The following LY6E variants were observed in gnomAD, a reference collection of about 807,000 sequenced individuals.
LY6E encodes lymphocyte antigen 6 family member E.
Under a neutral mutation model 7.7 loss-of-function variants are expected in LY6E, and 4 were observed. The ratio of observed to expected loss-of-function variants is 0.52; its 90% CI spans 0.25 to 1.18. The LOEUF (loss-of-function observed/expected upper bound fraction) is 1.18. LY6E is among the 50% of genes most tolerant of loss of function. The probability of loss-of-function intolerance (pLI) is 0.14; values close to 1 mark genes in which losing one functional copy is unlikely to be tolerated. For synonymous variants in LY6E, 81 were observed against 80.1 expected (o/e 1.01, Z -0.06); for missense variants, 156 against 168.0 (o/e 0.93, Z 0.40).
In LY6E at chr8:143,021,361, T is replaced by C. The variant is rs1563909776; in HGVS notation, c.100T>C (p.Tyr34His). The change falls in exon 3 of 4, where the codon TAC (tyrosine) becomes CAC (histidine). Residue 34 changes from tyrosine to histidine, a missense_variant. Transcript: ENST00000292494. ...FSCLNQKSNL[Y>H]CLKPTICSDQ... is the part of the protein sequence containing the mutation. The stretch of plus-strand genomic sequence containing the variant: ...CTGCTTGAACCAGAAGAGCAATCTG[T>C]ACTGCCTGAAGCCGACCATCTGCTC... The C allele has an allele frequency of 1.2e-6, 2 of 1,614,050 alleles. No homozygotes were observed. The highest frequency in any genetic ancestry group is 1.6e-4 in the Middle Eastern group (1 of 6,062).
Position 143,021,734 on chromosome 8 carries a change from T to TGGGTGCCGGGCTGCTGCTGAGCC in LY6E, c.342_364dup (p.Leu122ArgfsTer7), listed in dbSNP as rs1252754969. 1 of 1,612,670 alleles carries TGGGTGCCGGGCTGCTGCTGAGCC rather than the reference T, an allele frequency of 6.2e-7. No homozygotes were observed. The highest frequency in any genetic ancestry group is 1.3e-5 in the African/African-American group (1 of 74,940). ...GGGCTGCGGGCAAGCGTCACCCTGCTGGGTGCCGGGCTGCTGCTGAGCCTG... is the reference window on the plus strand; with the variant it reads ...GGGCTGCGGGCAAGCGTCACCCTGCTGGGTGCCGGGCTGCTGCTGAGCCGGGTGCCGGGCTGCTGCTGAGCCTG... On this transcript the variant is annotated frameshift_variant, in exon 4 of 4. Coordinates refer to ENST00000292494, the MANE Select transcript of LY6E (RefSeq NM_002346.3). LOFTEE classifies it high-confidence loss of function.
At chr8:143,020,855 C>CG in intron 1 of LY6E, 28 bp from the exon 2 acceptor site, 1 of 1,329,116 alleles carries the variant, frequency 7.5e-7, no homozygotes, top group Non-Finnish European at 1.1e-6. Flanking sequence ...AGGCACCACC[C>CG]GGCCCCCTAA....
intron 1 of LY6E, chr8:143,020,406 A>AT (rs1416491238): frequency 6.5e-6 from 1 of 154,410 alleles, no homozygotes; most frequent in East Asian, 1.9e-4. Flanking sequence ...TAATTTTTGT[A>AT]TTTTTTGTAG....
At chr8:143,021,131 T>G (rs1466047722) in intron 2 of LY6E, 140 bp downstream of exon 2, 9 of 1,211,408 alleles carry the variant, frequency 7.4e-6, no homozygotes, top group Non-Finnish European at 9.3e-6. Flanking sequence ...CTGGCCACAC[T>G]GTCTCACTGT....
At position 143,021,938 on chromosome 8, in the gene LY6E, GC is replaced by G; in HGVS notation, c.*153del. 1 of 689,560 alleles carries G rather than the reference GC, an allele frequency of 1.5e-6. No homozygotes were observed. The highest frequency in any genetic ancestry group is 2.4e-6 in the Non-Finnish European group (1 of 418,942). The allele number at this position is 689,560 out of a possible 1,614,324, so 42.7% of individuals were successfully genotyped here. On this transcript the variant is annotated 3_prime_UTR_variant, in exon 4 of 4. Coordinates refer to ENST00000292494, the MANE Select transcript of LY6E (RefSeq NM_002346.3). ...AGGCCCACCCCCTGCACCTCCACCT[GC>G]CCCAGCCCCTGCCTCTGCCCCAAGT...
At position 143,021,696 on chromosome 8, in the gene LY6E, T is replaced by C. The variant is rs756946112; in HGVS notation, c.303T>C (p.Ser101=). ...GCCAGAGCTTTCTGTGCAATTTCAG[T>C]GCGGCCGATGGCGGGCTGCGGGCAA... ...SCCQSFLCNF[S]AADGGLRASV... The change falls in exon 4 of 4, where the codon AGT becomes AGC. Residue 101 remains serine (S), a synonymous_variant. Coordinates refer to ENST00000292494, the MANE Select transcript of LY6E (RefSeq NM_002346.3). 6.2e-7 allele frequency: 1 copy of C among 1,613,596 alleles called. No homozygotes were observed. Among genetic ancestry groups the C allele is most frequent in the Non-Finnish European group, 8.5e-7 (1 of 1,180,022 alleles).
Position 143,020,915 on chromosome 8 carries a change from AGGC to A in LY6E, c.-24_-22del. ...CAGGCTGCTTTGGTTTGTGACCTCC[AGGC>A]AGGACGGCCATCCTCTCCAGAATGA... On this transcript the variant is annotated 5_prime_UTR_variant, in exon 2 of 4. Transcript: ENST00000292494. 6.2e-7 allele frequency: 1 copy of A among 1,612,786 alleles called. No homozygotes were observed. The highest frequency in any genetic ancestry group is 8.5e-7 in the Non-Finnish European group (1 of 1,179,186).
Position 143,021,293 on chromosome 8 carries a change from A to G in LY6E, c.53-21A>G, listed in dbSNP as rs376040821. On this transcript the variant is annotated intron_variant, in intron 2 of 3. Coordinates refer to ENST00000292494, the MANE Select transcript of LY6E (RefSeq NM_002346.3). ...GGGACACTGGAGGCTTCCCTGAGAC[A>G]GGTGTGTCCTCCTTCCGCAGCCAGC... 248 of 1,610,034 alleles carry G rather than the reference A, an allele frequency of 1.5e-4. 2 individuals carry two copies. In the South Asian group the frequency reaches 2.6e-3, roughly 17 times the overall value.
chr8:143,021,123 G>A, intron 2 of LY6E, 132 bp downstream of exon 2: 1 of 1,243,170 alleles, frequency 8.0e-7, no homozygotes, highest in Non-Finnish European at 1.1e-6. Context: ...CACCCGGCCT[G>A]GCCACACTGT....
At position 143,022,157 on chromosome 8, in the gene LY6E, T is replaced by C. The variant is rs1206597904; in HGVS notation, c.*368T>C. 3.4e-6 allele frequency: 1 copy of C among 297,112 alleles called. No individual in the cohort carries two copies. The highest frequency in any genetic ancestry group is 2.2e-5 in the African/African-American group (1 of 45,952). The allele number at this position is 297,112 out of a possible 1,614,324, so 18.4% of individuals were successfully genotyped here. A position where few individuals can be genotyped will look rare whatever the true frequency, so the allele number is the denominator to read the frequency against. On this transcript the variant is annotated 3_prime_UTR_variant, in exon 4 of 4. Coordinates refer to ENST00000292494, the MANE Select transcript of LY6E (RefSeq NM_002346.3). ...TGTGTACGTGGGTGTGCAGTGCACG[T>C]GAGAGCACGTGGCGGCTTCTGGGGG...
chr8:143,021,982 C>A lies in LY6E; in HGVS notation c.*193C>A. On this transcript the variant is annotated 3_prime_UTR_variant, in exon 4 of 4. Coordinates refer to ENST00000292494, the MANE Select transcript of LY6E (RefSeq NM_002346.3). ...CCCCAAGTGGGGCCAGCTGCCCTCA[C>A]TTCTGGGGTGGATGATGTGACCTTC... 1.7e-6 allele frequency: 1 copy of A among 602,180 alleles called. No individual in the cohort carries two copies. Among genetic ancestry groups the A allele is most frequent in the South Asian group, 2.0e-5 (1 of 49,160 alleles). 37.3% of individuals were successfully genotyped at this position (602,180 alleles called of 1,614,324 possible).
chr8:143,021,833 G>A lies in LY6E; in HGVS notation c.*44G>A. ...CCGATCCCCCAGCTCAGGAAGGAAA[G>A]CCCAGCCCTTTCTGGATCCCACAGT... On this transcript the variant is annotated 3_prime_UTR_variant, in exon 4 of 4. Transcript: ENST00000292494. 6.5e-7 allele frequency: 1 copy of A among 1,531,918 alleles called. No homozygotes were observed. Among genetic ancestry groups the A allele is most frequent in the Non-Finnish European group, 8.8e-7 (1 of 1,137,016 alleles). The allele number at this position is 1,531,918 out of a possible 1,614,324, so 94.9% of individuals were successfully genotyped here. A position where few individuals can be genotyped will look rare whatever the true frequency, so the allele number is the denominator to read the frequency against.
intron 1 of LY6E, among the ~76,000 whole-genome samples, chr8:143,019,718 C>G (rs1033310115): frequency 6.6e-6 from 1 of 152,224 alleles, no homozygotes; most frequent in African/African-American, 2.4e-5. Context: ...CTCTCCAGAT[C>G]TGTTCTCTGA....
intron 1 of LY6E, 30 bp from the exon 2 acceptor site, chr8:143,020,853 C>A: frequency 7.6e-7 from 1 of 1,314,870 alleles, no homozygotes; most frequent in South Asian, 1.3e-5. Context: ...TGAGGCACCA[C>A]CCGGCCCCCT....
chr8:143,018,584 G>A lies in LY6E; in HGVS notation c.-60G>A, dbSNP rs1819126880. ...GGCTGCTGGTACCTGCGTCCGCCCG[G>A]CGGTGAGTCCGCGGGCCCCCGGCCG... is the stretch of plus-strand genomic sequence containing the variant. On this transcript the variant is annotated splice_region_variant and 5_prime_UTR_variant, in exon 1 of 4. Transcript: ENST00000292494. The A allele has an allele frequency of 2.0e-5, 3 of 149,850 alleles. No homozygotes were observed. The highest frequency in any genetic ancestry group is 7.3e-5 in the African/African-American group (3 of 41,174). 9.3% of individuals were successfully genotyped at this position (149,850 alleles called of 1,614,324 possible). A position where few individuals can be genotyped will look rare whatever the true frequency, so the allele number is the denominator to read the frequency against.
chr8:143,021,288 G>A, intron 2 of LY6E, 26 bp from the exon 3 acceptor site: 1 of 1,608,846 alleles, frequency 6.2e-7, no homozygotes, highest in Non-Finnish European at 8.5e-7. Flanking sequence ...AGGCTTCCCT[G>A]AGACAGGTGT....
intron 1 of LY6E, chr8:143,020,248 T>C (rs1819184819): frequency 6.6e-6 from 1 of 152,504 alleles, no homozygotes; most frequent in African/African-American, 2.4e-5. Context: ...AGATTTCTCT[T>C]TTTTTTGAGA....
intron 2 of LY6E, 140 bp downstream of exon 2, chr8:143,021,131 T>C (rs1466047722): frequency 3.3e-6 from 4 of 1,211,408 alleles, no homozygotes; most frequent in Admixed American, 2.1e-5. Flanking sequence ...CTGGCCACAC[T>C]GTCTCACTGT....
intron 2 of LY6E, 66 bp downstream of exon 2, chr8:143,021,057 CT>C: frequency 6.4e-7 from 1 of 1,569,840 alleles, no homozygotes; most frequent in Non-Finnish European, 8.7e-7. Context: ...CTCTCCACCC[CT>C]CTCCCCTGAG....
Sources: allele counts gnomAD v4.1 joint callset (sites outside exome capture counted in the v4.1 genomes callset), GRCh38; gene constraint gnomAD v4.1.1; transcripts MANE v1.5; gene names NCBI Gene and HGNC (gene_info 2026-07-23, HGNC 2026-07-21).